ST6GALNAC5: variants seen among roughly 807,000 people sequenced by gnomAD.
ST6GALNAC5 encodes the protein alpha-N-acetylgalactosaminide alpha-2,6-sialyltransferase 5.
In ST6GALNAC5, 27 loss-of-function variants were observed where a neutral mutation model predicts 33.6. The observed-to-expected ratio is 0.80, with a 90% CI of 0.59 to 1.11. The LOEUF (loss-of-function observed/expected upper bound fraction) is 1.11, where lower values mean the gene tolerates loss of function less well. Ranked by LOEUF, ST6GALNAC5 falls within the 50% of genes least tolerant of loss-of-function variation. The pLI is 0.00. For missense variants in ST6GALNAC5, 428 were observed against 454.0 expected (o/e 0.94, Z 0.52); for synonymous variants, 194 against 171.2 (o/e 1.13, Z -1.04).
intron 2 of ST6GALNAC5, among the ~76,000 whole-genome samples, chr1:76,921,107 A>C (rs1191847603): frequency 6.6e-6 from 1 of 152,148 alleles, no homozygotes; most frequent in African/African-American, 2.4e-5. Flanking sequence ...GGTAGTAGGA[A>C]CAAATTTAGA....
intron 2 of ST6GALNAC5, among the ~76,000 whole-genome samples, chr1:76,942,856 A>G (rs1460518755): frequency 6.6e-6 from 1 of 152,132 alleles, no homozygotes; most frequent in Non-Finnish European, 1.5e-5. Context: ...ATATCTAGAC[A>G]GAACTTGACT....
chr1:76,976,115 A>T (rs1273301975), intron 2 of ST6GALNAC5, among the ~76,000 whole-genome samples: 4 of 152,120 alleles, frequency 2.6e-5, no homozygotes, highest in Admixed American at 6.6e-5. Flanking sequence ...AAATTAAAAT[A>T]AAAAAATTAA....
At chr1:76,965,007 T>C (rs570161661) in intron 2 of ST6GALNAC5, among the ~76,000 whole-genome samples, 30 of 152,338 alleles carry the variant, frequency 2.0e-4, no homozygotes, top group African/African-American at 6.5e-4. Context: ...CAGTCTATCA[T>C]TGATGGAAAT....
At chr1:76,893,418 G>A (rs1250770676) in intron 2 of ST6GALNAC5, among the ~76,000 whole-genome samples, 1 of 152,114 alleles carries the variant, frequency 6.6e-6, no homozygotes, top group Non-Finnish European at 1.5e-5. Context: ...AGACAAACTG[G>A]ATTTGAATCT....
chr1:76,870,811 C>A (rs1337247744), intron 2 of ST6GALNAC5, among the ~76,000 whole-genome samples: 1 of 152,086 alleles, frequency 6.6e-6, no homozygotes, highest in Non-Finnish European at 1.5e-5. Flanking sequence ...CATGGAACAC[C>A]AACATCTCAC....
chr1:76,974,560 A>C (rs1201644299), intron 2 of ST6GALNAC5, among the ~76,000 whole-genome samples: 3 of 151,312 alleles, frequency 2.0e-5, no homozygotes, highest in Non-Finnish European at 2.9e-5. Context: ...TAAGTCTGTA[A>C]ATTTTCTTGG....
intron 3 of ST6GALNAC5, among the ~76,000 whole-genome samples, chr1:77,049,236 C>A (rs957751146): frequency 6.6e-6 from 1 of 152,046 alleles, no homozygotes; most frequent in Non-Finnish European, 1.5e-5. Context: ...ATGGGTGCCA[C>A]ACAGTGCAAG....
At position 77,066,979 on chromosome 1, in the gene ST6GALNAC5, G is replaced by A. The variant is rs113300331; in HGVS notation, c.*3773G>A. Among the ~76,000 whole-genome samples the A allele has an allele frequency of 8.5e-5, 13 of 152,260 alleles. 2 individuals are homozygous for A. The highest frequency in any genetic ancestry group is 3.1e-4 in the African/African-American group (13 of 41,564). On this transcript the variant is annotated 3_prime_UTR_variant, in exon 5 of 5. Coordinates refer to ENST00000477717, the MANE Select transcript of ST6GALNAC5 (RefSeq NM_030965.3). Reference sequence around the variant, plus strand: ...ATGGTAGGTGGGAGGAATATATCTGGCTACCATACAAGGTACTTCAGAAGT... The same window carrying A: ...ATGGTAGGTGGGAGGAATATATCTGACTACCATACAAGGTACTTCAGAAGT...
intron 2 of ST6GALNAC5, among the ~76,000 whole-genome samples, chr1:76,966,610 C>T (rs1648493070): frequency 1.3e-5 from 2 of 152,104 alleles, no homozygotes; most frequent in African/African-American, 4.8e-5. Flanking sequence ...GCCTGATTGC[C>T]CTGGCCAGAA....
At chr1:76,910,880 CAA>C (rs371393839) in intron 2 of ST6GALNAC5, among the ~76,000 whole-genome samples, 5 of 135,404 alleles carry the variant, frequency 3.7e-5, no homozygotes, top group East Asian at 2.2e-4. Flanking sequence ...GTGGTCAAGG[CAA>C]AAAAAAAAAG....
At chr1:76,983,085 A>G (rs1196476907) in intron 2 of ST6GALNAC5, among the ~76,000 whole-genome samples, 1 of 151,174 alleles carries the variant, frequency 6.6e-6, no homozygotes, top group Non-Finnish European at 1.5e-5. Context: ...CATCGATGCT[A>G]GGAAGAAACT....
At chr1:76,984,000 A>T (rs1282926812) in intron 2 of ST6GALNAC5, among the ~76,000 whole-genome samples, 4 of 152,260 alleles carry the variant, frequency 2.6e-5, no homozygotes, top group African/African-American at 9.6e-5. Flanking sequence ...TCTCTGGGAC[A>T]CATTTAAAGC....
At chr1:77,033,593 G>T (rs921838248) in intron 2 of ST6GALNAC5, among the ~76,000 whole-genome samples, 1 of 142,292 alleles carries the variant, frequency 7.0e-6, no homozygotes, top group Non-Finnish European at 1.5e-5. Context: ...ACTTAGTCGT[G>T]TTATGTGGGG....
chr1:76,935,622 G>A (rs566241838), intron 2 of ST6GALNAC5, among the ~76,000 whole-genome samples: 3 of 151,820 alleles, frequency 2.0e-5, no homozygotes, highest in Admixed American at 6.6e-5. Context: ...AAATTCCTTG[G>A]TTAATTCCTT....
chr1:76,881,809 A>G (rs909717794), intron 2 of ST6GALNAC5, among the ~76,000 whole-genome samples: 8 of 152,196 alleles, frequency 5.3e-5, no homozygotes, highest in Non-Finnish European at 1.0e-4. Flanking sequence ...ATTCATTTCT[A>G]TCTTCTTGTA....
chr1:76,948,577 G>A (rs1647615808), intron 2 of ST6GALNAC5, among the ~76,000 whole-genome samples: 1 of 138,888 alleles, frequency 7.2e-6, no homozygotes, highest in South Asian at 2.6e-4. Context: ...GAGAGGTATG[G>A]GAGTGGGGAC....
chr1:76,939,735 T>C (rs1402259572), intron 2 of ST6GALNAC5, among the ~76,000 whole-genome samples: 2 of 152,104 alleles, frequency 1.3e-5, no homozygotes, highest in Non-Finnish European at 2.9e-5. Flanking sequence ...TCCACAACTA[T>C]TTACTGATCA....
chr1:76,868,648 C>CGCAGCCGGCGGCGGAGAGCA lies in ST6GALNAC5; in HGVS notation c.171_190dup (p.Thr64SerfsTer33). ...CAGCAGGCGTCGGCCACCGGCAGCT[C>CGCAGCCGGCGGCGGAGAGCA]GCAGCCGGCGGCGGAGAGCAGCACC... On this transcript the variant is annotated frameshift_variant, in exon 2 of 5. Coordinates refer to ENST00000477717, the MANE Select transcript of ST6GALNAC5 (RefSeq NM_030965.3). LOFTEE classifies it high-confidence loss of function. The surrounding 1 kb of genome is among the most constrained non-coding windows in gnomAD (Gnocchi z 4.3). 4 of 1,601,496 alleles carry CGCAGCCGGCGGCGGAGAGCA rather than the reference C, an allele frequency of 2.5e-6. No homozygotes were observed. The highest frequency in any genetic ancestry group is 3.4e-6 in the Non-Finnish European group (4 of 1,173,656).
chr1:77,019,939 C>T (rs1006912195), intron 2 of ST6GALNAC5, among the ~76,000 whole-genome samples: 1 of 152,152 alleles, frequency 6.6e-6, no homozygotes, highest in East Asian at 1.9e-4. Context: ...TGGAATCAAA[C>T]TCCAGATACA....
Sources: allele counts gnomAD v4.1 joint callset (sites outside exome capture counted in the v4.1 genomes callset), GRCh38; gene constraint gnomAD v4.1.1; non-coding constraint Gnocchi (gnomAD v3.1); transcripts MANE v1.5; gene names NCBI Gene and HGNC (gene_info 2026-07-23, HGNC 2026-07-21).